DENND4C: variants seen among roughly 807,000 people sequenced by gnomAD.
DENND4C encodes DENN domain-containing protein 4C.
A neutral mutation model predicts 203.0 loss-of-function variants in DENND4C; 108 were observed. The observed-to-expected ratio is 0.53, with a 90% CI of 0.46 to 0.62. The LOEUF is 0.62. Among genes scored for constraint, DENND4C ranks in the 20% least tolerant of loss-of-function variants. The pLI is 0.00. For synonymous variants in DENND4C, 871 were observed against 792.4 expected (o/e 1.10, Z -1.67); for missense variants, 2,481 against 2,301.2 (o/e 1.08, Z -1.60).
chr9:19,368,783 G>A (rs1024316851), intron 30 of DENND4C, among the ~76,000 whole-genome samples: 9 of 151,390 alleles, frequency 5.9e-5, no homozygotes, highest in African/African-American at 1.7e-4. Context: ...CTGGGTGACG[G>A]AGTGAAAAAC....
chr9:19,316,309 A>G (rs1270557231), intron 10 of DENND4C, 108 bp from the exon 11 acceptor site: 1 of 773,066 alleles, frequency 1.3e-6, no homozygotes, highest in Non-Finnish European at 2.1e-6. Flanking sequence ...TTAAGACTGT[A>G]GTAAAAACAT....
At position 19,286,751 on chromosome 9, in the gene DENND4C, C is replaced by T. The variant is rs975293882; in HGVS notation, c.306-18C>T. ...ATGTATATATCTATATCTATTTCTTCCCCTTCCTGCCATGCAGAGTTCTAT... is the reference window on the plus strand; with the variant it reads ...ATGTATATATCTATATCTATTTCTTTCCCTTCCTGCCATGCAGAGTTCTAT... On this transcript the variant is annotated intron_variant, in intron 2 of 32. Coordinates refer to ENST00000434457, the MANE Select transcript of DENND4C (RefSeq NM_001330640.2). The T allele has an allele frequency of 8.1e-6, 10 of 1,231,264 alleles. No individual in the cohort carries two copies. In the Admixed American group the frequency reaches 1.3e-4, roughly 16 times the overall value. 76.3% of individuals were successfully genotyped at this position (1,231,264 alleles called of 1,614,324 possible).
chr9:19,311,922 C>T (rs1257628706), intron 10 of DENND4C, among the ~76,000 whole-genome samples: 1 of 152,112 alleles, frequency 6.6e-6, no homozygotes, highest in African/African-American at 2.4e-5. Flanking sequence ...AGCAATTCCA[C>T]TTCTAGGAAT....
At chr9:19,316,981 G>C in intron 12 of DENND4C, 142 bp downstream of exon 12, 1 of 738,736 alleles carries the variant, frequency 1.4e-6, no homozygotes, top group East Asian at 2.9e-5. Context: ...TTGTAACCTA[G>C]CTTTATGACT....
At chr9:19,338,117 A>C (rs1345385821) in intron 20 of DENND4C, among the ~76,000 whole-genome samples, 1 of 152,180 alleles carries the variant, frequency 6.6e-6, no homozygotes, top group Non-Finnish European at 1.5e-5. Flanking sequence ...TCCTGTTTGT[A>C]ATTAACTTCC....
intron 1 of DENND4C, among the ~76,000 whole-genome samples, chr9:19,251,089 G>A (rs760832844): frequency 2.0e-5 from 3 of 152,236 alleles, no homozygotes; most frequent in Non-Finnish European, 4.4e-5. Context: ...CCTAGCAGAG[G>A]TTCTCCATGA....
At chr9:19,301,307 T>A (rs975694770) in intron 9 of DENND4C, among the ~76,000 whole-genome samples, 5 of 152,230 alleles carry the variant, frequency 3.3e-5, no homozygotes, top group African/African-American at 1.2e-4. Flanking sequence ...AATAGCTGAC[T>A]CTCTTCTCTT....
intron 30 of DENND4C, among the ~76,000 whole-genome samples, chr9:19,369,454 G>A (rs1019455183): frequency 2.0e-5 from 3 of 152,080 alleles, no homozygotes; most frequent in Non-Finnish European, 2.9e-5. Context: ...GAGAAAATGC[G>A]ACAACTCTGG....
Position 19,334,972 on chromosome 9 carries a change from G to A in DENND4C, c.2461-5G>A. The A allele has an allele frequency of 6.5e-7, 1 of 1,530,298 alleles. No homozygotes were observed. The highest frequency in any genetic ancestry group is 8.7e-7 in the Non-Finnish European group (1 of 1,146,238). The allele number at this position is 1,530,298 out of a possible 1,614,324, so 94.8% of individuals were successfully genotyped here. ...TTACTGACACTGATTTTTTTTTTTT[G>A]TTAGGTGTGCTATCGAGTAGTGATG... On this transcript the variant is annotated splice_polypyrimidine_tract_variant and splice_region_variant and intron_variant, in intron 17 of 32. Coordinates refer to ENST00000434457, the MANE Select transcript of DENND4C (RefSeq NM_001330640.2).
At chr9:19,247,286 C>A (rs1211464043) in intron 1 of DENND4C, among the ~76,000 whole-genome samples, 1 of 152,136 alleles carries the variant, frequency 6.6e-6, no homozygotes, top group African/African-American at 2.4e-5. Context: ...TAGTATTTGA[C>A]AATTCTTTGA....
At chr9:19,254,447 G>A (rs1588750558) in intron 1 of DENND4C, among the ~76,000 whole-genome samples, 1 of 152,204 alleles carries the variant, frequency 6.6e-6, no homozygotes, top group East Asian at 1.9e-4. Flanking sequence ...CATTATGGAT[G>A]AAACTGGGAG....
chr9:19,254,030 A>G (rs1405340989), intron 1 of DENND4C, among the ~76,000 whole-genome samples: 1 of 152,222 alleles, frequency 6.6e-6, no homozygotes, highest in African/African-American at 2.4e-5. Context: ...TAAACTGTAT[A>G]TCTAAGTTGA....
chr9:19,283,861 C>T (rs1834661193), intron 2 of DENND4C, among the ~76,000 whole-genome samples: 2 of 152,052 alleles, frequency 1.3e-5, no homozygotes, highest in South Asian at 4.1e-4. Flanking sequence ...TCCCAAAGTG[C>T]TGGGATTATA....
At chr9:19,265,441 TTTA>T (rs1181494301) in intron 1 of DENND4C, among the ~76,000 whole-genome samples, 4 of 4,246 alleles carry the variant, frequency 9.4e-4, no homozygotes, top group Non-Finnish European at 5.8e-4. Context: ...CTTTTTTATT[TTTA>T]TTTATTTATT....
At chr9:19,252,279 A>G (rs1459640058) in intron 1 of DENND4C, among the ~76,000 whole-genome samples, 1 of 152,168 alleles carries the variant, frequency 6.6e-6, no homozygotes, top group Non-Finnish European at 1.5e-5. Flanking sequence ...ATTCACTTCC[A>G]TGAGAACAGC....
At chr9:19,307,769 CAAA>C (rs398046460) in intron 10 of DENND4C, among the ~76,000 whole-genome samples, 4 of 89,200 alleles carry the variant, frequency 4.5e-5, no homozygotes, top group Non-Finnish European at 9.3e-5. Flanking sequence ...GACTCTGTCT[CAAA>C]AAAAAAAAAA....
At chr9:19,367,869 C>G (rs1021598719) in intron 30 of DENND4C, among the ~76,000 whole-genome samples, 1 of 152,202 alleles carries the variant, frequency 6.6e-6, no homozygotes, top group Non-Finnish European at 1.5e-5. Context: ...TGAAACCACT[C>G]TAGAAGAGAA....
At chr9:19,280,219 G>A (rs1236315969) in intron 2 of DENND4C, among the ~76,000 whole-genome samples, 1 of 151,740 alleles carries the variant, frequency 6.6e-6, no homozygotes, top group Non-Finnish European at 1.5e-5. Context: ...GTGCGATCTC[G>A]GCTCACTGCA....
chr9:19,284,766 T>G (rs774133495), intron 2 of DENND4C, among the ~76,000 whole-genome samples: 1 of 152,160 alleles, frequency 6.6e-6, no homozygotes, highest in African/African-American at 2.4e-5. Context: ...TACCTTGATT[T>G]TTTTAAAGGA....
Sources: allele counts gnomAD v4.1 joint callset (sites outside exome capture counted in the v4.1 genomes callset), GRCh38; gene constraint gnomAD v4.1.1; transcripts MANE v1.5; gene names NCBI Gene and HGNC (gene_info 2026-07-23, HGNC 2026-07-21).